The following NPAS3 variants were observed in gnomAD, a reference collection of about 807,000 sequenced individuals.
NPAS3 encodes neuronal PAS domain protein 3, also known as neuronal PAS domain-containing protein 3.
A neutral mutation model predicts 73.1 loss-of-function variants in NPAS3; 14 were observed. The observed-to-expected ratio is 0.19, with a 90% confidence interval of 0.13 to 0.30. NPAS3 has a LOEUF of 0.30. Ranked by LOEUF, NPAS3 falls within the 10% of genes least tolerant of loss-of-function variation. The pLI is 1.00. For missense variants in NPAS3, 1,096 were observed against 1,250.0 expected (o/e 0.88, Z 1.86); for synonymous variants, 620 against 541.5 (o/e 1.14, Z -2.01).
chr14:33,617,541 T>A (rs534918147), intron 5 of NPAS3, among the ~76,000 whole-genome samples: 1 of 152,206 alleles, frequency 6.6e-6, no homozygotes, highest in East Asian at 1.9e-4. Context: ...CTTTGTTATA[T>A]CTCTCTTGCT....
rs79475124 is a variant in NPAS3, at chr14:33,467,671, C to A, written c.469-92450C>A. 1.8e-3 allele frequency among the ~76,000 whole-genome samples: 280 copies of A among 152,294 alleles called. 1 individual carries two copies. The highest frequency in any genetic ancestry group is 6.4e-3 in the African/African-American group (268 of 41,572). ...CTATTTTGGCCTCGTCTAGGCAAAG[C>A]GGCAGTGCCCTTTGTATGCTGCAGC... is the stretch of plus-strand genomic sequence containing the variant. On this transcript the variant is annotated intron_variant, in intron 4 of 11. Transcript: ENST00000356141.
At chr14:33,358,426 G>C (rs1315134) in intron 3 of NPAS3, among the ~76,000 whole-genome samples, 1 of 151,996 alleles carries the variant, frequency 6.6e-6, no homozygotes, top group Admixed American at 6.6e-5. Flanking sequence ...AGGATGATGC[G>C]CCTGGAACAT....
At chr14:33,556,352 G>A (rs1342976021) in intron 4 of NPAS3, among the ~76,000 whole-genome samples, 2 of 152,186 alleles carry the variant, frequency 1.3e-5, no homozygotes, top group African/African-American at 4.8e-5. Flanking sequence ...ATATCAGGAG[G>A]TATCCCAGAC....
chr14:33,266,217 GCA>G lies in NPAS3; in HGVS notation c.385+50794_385+50795del, dbSNP rs546461107. Among the ~76,000 whole-genome samples, 17 of 152,210 alleles carry G rather than the reference GCA, an allele frequency of 1.1e-4. No homozygotes were observed. In the South Asian group the frequency reaches 3.1e-3, roughly 28 times the overall value. ...AACAATGTAAAGGATGAGTTTAAATGCACAATTTCCTTCCTTTTTATATATGA... is the reference window on the plus strand; with the variant it reads ...AACAATGTAAAGGATGAGTTTAAATGCAATTTCCTTCCTTTTTATATATGA... On this transcript the variant is annotated intron_variant, in intron 3 of 11. Coordinates refer to ENST00000356141, the Ensembl canonical transcript of NPAS3.
intron 7 of NPAS3, among the ~76,000 whole-genome samples, chr14:33,757,537 C>T (rs931901353): frequency 2.0e-5 from 3 of 152,018 alleles, no homozygotes; most frequent in African/African-American, 7.2e-5. Flanking sequence ...GGGAAGAATA[C>T]GATGGGGGAA....
chr14:33,738,706 T>C (rs2140670854), intron 7 of NPAS3, among the ~76,000 whole-genome samples: 1 of 152,338 alleles, frequency 6.6e-6, no homozygotes, highest in South Asian at 2.1e-4. Flanking sequence ...CTCATTTGCT[T>C]TGAAATCCAC....
chr14:32,982,978 T>TTA (rs2037958264), intron 1 of NPAS3, among the ~76,000 whole-genome samples: 1 of 152,214 alleles, frequency 6.6e-6, no homozygotes, highest in South Asian at 2.1e-4. Flanking sequence ...TTGTAACAGT[T>TTA]TATAGCATGG....
intron 2 of NPAS3, among the ~76,000 whole-genome samples, chr14:33,082,655 G>A (rs916870073): frequency 1.3e-5 from 2 of 152,202 alleles, no homozygotes; most frequent in South Asian, 2.1e-4. Flanking sequence ...TCTTAGGATA[G>A]GAAGTATAAA....
intron 7 of NPAS3, among the ~76,000 whole-genome samples, chr14:33,744,355 A>G (rs1468448226): frequency 6.6e-6 from 1 of 152,200 alleles, no homozygotes; most frequent in East Asian, 1.9e-4. Context: ...ACAGCTGGTC[A>G]TTGGAGCAGT....
intron 2 of NPAS3, among the ~76,000 whole-genome samples, chr14:33,104,429 T>C (rs535805465): frequency 3.5e-4 from 53 of 152,324 alleles, no homozygotes; most frequent in African/African-American, 1.3e-3. Flanking sequence ...AACTACACTG[T>C]AGTGAGTTGT....
rs189319823 is a variant in NPAS3, at chr14:33,005,726, G to A, written c.51-50179G>A. ...TTGTTAAAGCAACTGCTCCTTGGAC[G>A]TTACTTGGTGGTTGGGTCCTAAGGA... On this transcript the variant is annotated intron_variant, in intron 1 of 11. Coordinates refer to ENST00000356141, the Ensembl canonical transcript of NPAS3. 1.6e-4 allele frequency among the ~76,000 whole-genome samples: 25 copies of A among 152,294 alleles called. No individual in the cohort carries two copies. The East Asian group carries it at 3.9e-3, about 23-fold the overall frequency.
intron 2 of NPAS3, among the ~76,000 whole-genome samples, chr14:33,057,808 G>A (rs2138548722): frequency 6.6e-6 from 1 of 152,326 alleles, no homozygotes; most frequent in South Asian, 2.1e-4. Context: ...AAATCCCCAA[G>A]ATGTTGAATT....
At chr14:33,795,743 G>A (rs558909508) in intron 10 of NPAS3, among the ~76,000 whole-genome samples, 1 of 152,290 alleles carries the variant, frequency 6.6e-6, no homozygotes, top group East Asian at 1.9e-4. Context: ...ACAAATGCAA[G>A]GAGTAAGAAG....
At chr14:32,973,792 C>T (rs2037539590) in intron 1 of NPAS3, among the ~76,000 whole-genome samples, 1 of 152,104 alleles carries the variant, frequency 6.6e-6, no homozygotes, top group African/African-American at 2.4e-5. Flanking sequence ...CTGCCACGGC[C>T]TCCCAGAGTG....
chr14:33,653,393 A>G (rs1358198204), intron 5 of NPAS3, among the ~76,000 whole-genome samples: 1 of 152,194 alleles, frequency 6.6e-6, no homozygotes, highest in East Asian at 1.9e-4. Context: ...AGCTTTGCCG[A>G]CTTCATTTTC....
At chr14:33,154,895 A>G (rs1054536797) in intron 2 of NPAS3, among the ~76,000 whole-genome samples, 2 of 152,146 alleles carry the variant, frequency 1.3e-5, no homozygotes, top group African/African-American at 4.8e-5. Flanking sequence ...TTTTCTACCT[A>G]GAGTTTTACT....
intron 2 of NPAS3, among the ~76,000 whole-genome samples, chr14:33,119,069 T>G (rs2043151305): frequency 3.3e-5 from 5 of 152,030 alleles, no homozygotes; most frequent in South Asian, 2.1e-4. Context: ...TTGCTTTTTA[T>G]GTTCTGAAAC....
At chr14:33,236,698 C>T in intron 3 of NPAS3, among the ~76,000 whole-genome samples, 1 of 152,196 alleles carries the variant, frequency 6.6e-6, no homozygotes, top group Non-Finnish European at 1.5e-5. Context: ...TGGACATTCC[C>T]AGGTCTGGCT....
At chr14:33,193,245 A>G (rs558124596) in intron 2 of NPAS3, among the ~76,000 whole-genome samples, 1 of 148,348 alleles carries the variant, frequency 6.7e-6, no homozygotes, top group South Asian at 2.1e-4. Context: ...TTATTTAACT[A>G]TAGATTGGTT....
Sources: gnomAD v4.1 joint callset for allele counts (sites outside exome capture counted in the v4.1 genomes callset) on GRCh38, gnomAD v4.1.1 for gene constraint, MANE v1.5 for transcripts, NCBI Gene and HGNC (gene_info 2026-07-23, HGNC 2026-07-21) for gene names.